STAU2: variants seen among roughly 807,000 people sequenced by gnomAD.
STAU2 encodes double-stranded RNA-binding protein Staufen homolog 2.
STAU2 carries 20 observed loss-of-function variants against 65.9 expected under a neutral mutation model. The ratio of observed to expected loss-of-function variants is 0.30; its 90% CI spans 0.21 to 0.44. STAU2 has a LOEUF of 0.44. Among genes scored for constraint, STAU2 ranks in the 20% least tolerant of loss-of-function variants. The pLI is 1.00. For synonymous variants in STAU2, 232 were observed against 233.9 expected (o/e 0.99, Z 0.07); for missense variants, 558 against 683.9 (o/e 0.82, Z 2.05).
At chr8:73,520,120 A>G (rs913780682) in intron 13 of STAU2, among the ~76,000 whole-genome samples, 4 of 152,260 alleles carry the variant, frequency 2.6e-5, no homozygotes, top group Non-Finnish European at 4.4e-5. Flanking sequence ...CAGGACTGCT[A>G]GAGCATAAAG....
chr8:73,472,454 TA>T (rs1206481980), intron 13 of STAU2, among the ~76,000 whole-genome samples: 1 of 152,186 alleles, frequency 6.6e-6, no homozygotes, highest in Non-Finnish European at 1.5e-5. Context: ...TAAAATACAT[TA>T]TTTTTTTCTC....
intron 6 of STAU2, among the ~76,000 whole-genome samples, chr8:73,659,122 G>C (rs915797987): frequency 7.2e-5 from 11 of 151,966 alleles, no homozygotes; most frequent in Non-Finnish European, 1.5e-4. Flanking sequence ...CCAAAACAAA[G>C]CAGAAAAAAA....
chr8:73,579,299 C>T (rs1041758698), intron 12 of STAU2, among the ~76,000 whole-genome samples: 2 of 152,104 alleles, frequency 1.3e-5, no homozygotes, highest in African/African-American at 4.8e-5. Flanking sequence ...AAAAGGTTAA[C>T]GGAAAAATAT....
chr8:73,423,945 G>T (rs560994893), intron 13 of STAU2, among the ~76,000 whole-genome samples: 1 of 152,100 alleles, frequency 6.6e-6, no homozygotes, highest in Admixed American at 6.6e-5. Flanking sequence ...ACTCTGTGTG[G>T]TACATTCTGT....
chr8:73,522,571 G>A (rs1190090984), intron 13 of STAU2, among the ~76,000 whole-genome samples: 1 of 152,172 alleles, frequency 6.6e-6, no homozygotes, highest in Non-Finnish European at 1.5e-5. Flanking sequence ...GTCTAAAGGA[G>A]TATTCCTACA....
intron 6 of STAU2, among the ~76,000 whole-genome samples, chr8:73,633,093 AG>A (rs950651583): frequency 2.6e-5 from 4 of 152,228 alleles, no homozygotes; most frequent in African/African-American, 9.6e-5. Context: ...AGCACTTAAA[AG>A]GAGTCCACTA....
chr8:73,443,186 A>T (rs1818288519), intron 13 of STAU2, among the ~76,000 whole-genome samples: 1 of 152,184 alleles, frequency 6.6e-6, no homozygotes, highest in African/African-American at 2.4e-5. Context: ...CCCAGGAGGA[A>T]AAAAAAGGGT....
chr8:73,435,153 G>A (rs986474195), intron 13 of STAU2, among the ~76,000 whole-genome samples: 2 of 151,848 alleles, frequency 1.3e-5, no homozygotes, highest in Non-Finnish European at 2.9e-5. Context: ...CCACACCTTC[G>A]CCCCTGCAGT....
At position 73,662,765 on chromosome 8, in the gene STAU2, C is replaced by T. The variant is rs865912583; in HGVS notation, c.410+10342G>A. ...CTGAGTAGCTGGGGTTACAGGCATGCGCCACCATGCCAGGCTAATTTTGTA... is the reference window on the plus strand; with the variant it reads ...CTGAGTAGCTGGGGTTACAGGCATGTGCCACCATGCCAGGCTAATTTTGTA... On this transcript the variant is annotated intron_variant, in intron 6 of 14. Coordinates refer to ENST00000524300, the MANE Select transcript of STAU2 (RefSeq NM_001164380.2). Among the ~76,000 whole-genome samples the T allele has an allele frequency of 1.6e-4, 24 of 152,104 alleles. No homozygotes were observed. In the South Asian group the frequency reaches 3.1e-3, roughly 20 times the overall value.
chr8:73,576,882 C>T (rs748453993), intron 12 of STAU2, among the ~76,000 whole-genome samples: 3 of 152,106 alleles, frequency 2.0e-5, no homozygotes, highest in Non-Finnish European at 4.4e-5. Flanking sequence ...AATACTTCAA[C>T]TTTGAATTTC....
chr8:73,561,218 G>A (rs1418226947), intron 12 of STAU2, among the ~76,000 whole-genome samples: 1 of 152,146 alleles, frequency 6.6e-6, no homozygotes, highest in African/African-American at 2.4e-5. Flanking sequence ...GTGGTGCAGG[G>A]AAGTGATTGG....
chr8:73,548,693 CTAAG>C (rs1807107164), intron 13 of STAU2, among the ~76,000 whole-genome samples: 1 of 152,092 alleles, frequency 6.6e-6, no homozygotes, highest in African/African-American at 2.4e-5. Flanking sequence ...AAAACACCAA[CTAAG>C]TGTTTCTTTA....
chr8:73,604,112 T>C (rs1421959345), intron 9 of STAU2, among the ~76,000 whole-genome samples: 1 of 152,204 alleles, frequency 6.6e-6, no homozygotes, highest in Non-Finnish European at 1.5e-5. Flanking sequence ...TTGGGCACAC[T>C]CTTCAGTATA....
intron 6 of STAU2, among the ~76,000 whole-genome samples, chr8:73,643,001 T>G (rs1352595001): frequency 6.6e-6 from 1 of 152,130 alleles, no homozygotes; most frequent in Non-Finnish European, 1.5e-5. Context: ...CATAGTTACC[T>G]CTCTCATCTA....
At chr8:73,683,534 C>G (rs1818579097) in intron 5 of STAU2, among the ~76,000 whole-genome samples, 1 of 152,082 alleles carries the variant, frequency 6.6e-6, no homozygotes. Context: ...AAAGCATTCC[C>G]CCTGAGAACT....
intron 13 of STAU2, chr8:73,511,373 C>T (rs1822392887): frequency 6.5e-6 from 1 of 152,838 alleles, no homozygotes; most frequent in African/African-American, 2.4e-5. Context: ...CTAGTGGAAA[C>T]CTTCTTTGGC....
intron 4 of STAU2, among the ~76,000 whole-genome samples, chr8:73,707,441 C>T (rs989220017): frequency 6.6e-6 from 1 of 151,986 alleles, no homozygotes; most frequent in Non-Finnish European, 1.5e-5. Flanking sequence ...ACAAGATCAC[C>T]GGAGATGTTA....
intron 3 of STAU2, among the ~76,000 whole-genome samples, chr8:73,711,480 G>C (rs1046474233): frequency 3.9e-5 from 6 of 152,110 alleles, no homozygotes; most frequent in African/African-American, 1.4e-4. Context: ...AACACAAATA[G>C]CATTTATACC....
intron 13 of STAU2, among the ~76,000 whole-genome samples, chr8:73,425,516 C>G (rs1311043054): frequency 6.6e-6 from 1 of 152,124 alleles, no homozygotes; most frequent in Non-Finnish European, 1.5e-5. Context: ...AACTGTGAGA[C>G]AATACACTCC....
Sources: gnomAD v4.1 joint callset for allele counts (sites outside exome capture counted in the v4.1 genomes callset) on GRCh38, gnomAD v4.1.1 for gene constraint, MANE v1.5 for transcripts, NCBI Gene and HGNC (gene_info 2026-07-23, HGNC 2026-07-21) for gene names.